GOLGB1: variants seen among roughly 807,000 people sequenced by gnomAD.
GOLGB1 encodes the protein golgin B1.
A neutral mutation model predicts 336.9 loss-of-function variants in GOLGB1; 174 were observed. The ratio of observed to expected loss-of-function variants is 0.52; its 90% CI spans 0.46 to 0.59. The LOEUF is 0.59. Among genes scored for constraint, GOLGB1 ranks in the 20% least tolerant of loss-of-function variants. The probability of loss-of-function intolerance (pLI) is 0.00; values close to 1 mark genes in which losing one functional copy is unlikely to be tolerated. For synonymous variants in GOLGB1, 1,208 were observed against 1,289.2 expected, an observed-to-expected ratio of 0.94 and a Z score of 1.35; for missense variants, 3,331 against 3,645.3, an observed-to-expected ratio of 0.91 and a Z score of 2.22.
chr3:121,735,553 TA>T (rs1251182714), intron 1 of GOLGB1, among the ~76,000 whole-genome samples: 1 of 152,158 alleles, frequency 6.6e-6, no homozygotes, highest in African/African-American at 2.4e-5. Flanking sequence ...ACACTAGGGT[TA>T]AATGAGTAAG....
At chr3:121,730,292 G>GT (rs1269133283) in intron 2 of GOLGB1, 4 of 295,978 alleles carry the variant, frequency 1.4e-5, no homozygotes, top group Non-Finnish European at 2.5e-5. Flanking sequence ...TCATAAACCA[G>GT]TAAGGGTAAA....
At chr3:121,679,820 C>G (rs1054720090) in intron 15 of GOLGB1, among the ~76,000 whole-genome samples, 1 of 152,146 alleles carries the variant, frequency 6.6e-6, no homozygotes, top group Admixed American at 6.5e-5. Flanking sequence ...ACTGTGGTAT[C>G]AGTGGAGGCA....
chr3:121,695,471 T>G lies in GOLGB1; in HGVS notation c.5052A>C (p.Arg1684Ser). 1 of 1,614,072 alleles carries G rather than the reference T, an allele frequency of 6.2e-7. No homozygotes were observed. The highest frequency in any genetic ancestry group is 8.5e-7 in the Non-Finnish European group (1 of 1,179,996). ...QEMEEMKEKM[R>S]KFAKSKQQKI... ...TCTGCTGTTTAGATTTAGCAAACTT[T>G]CTCATCTTTTCTTTCATTTCCTCCA... The change falls in exon 13 of 22, where the codon AGA (arginine) becomes AGC (serine). Residue 1684 changes from arginine (R) to serine (S), a missense_variant. Transcript: ENST00000614479.
chr3:121,712,007 G>C (rs2108053701), intron 10 of GOLGB1, among the ~76,000 whole-genome samples: 1 of 152,198 alleles, frequency 6.6e-6, no homozygotes, highest in South Asian at 2.1e-4. Context: ...AATAGTCAAA[G>C]CAATCTTGAA....
chr3:121,716,303 GA>G (rs1376726317), intron 9 of GOLGB1, among the ~76,000 whole-genome samples: 2 of 152,110 alleles, frequency 1.3e-5, no homozygotes, highest in Non-Finnish European at 2.9e-5. Context: ...GAAATCAGGT[GA>G]AAAGAGATTT....
chr3:121,690,699 A>T lies in GOLGB1; in HGVS notation c.8665T>A (p.Ser2889Thr). The T allele has an allele frequency of 6.6e-7, 1 of 1,519,704 alleles. No individual in the cohort carries two copies. The highest frequency in any genetic ancestry group is 1.3e-5 in the South Asian group (1 of 74,192). 94.1% of individuals were successfully genotyped at this position (1,519,704 alleles called of 1,614,324 possible). Residue 2889 changes from serine to threonine, a missense_variant, in exon 14 of 22, where the codon TCT becomes ACT. Transcript: ENST00000614479. ...CTGTCTCTGTCATTTTGGAGTGAAG[A>T]CATAGCTTTTTTTAAACTCTGTACT... Reference protein sequence around the residue: ...AEVQSLKKAMSSLQNDRDRLL... With the variant: ...AEVQSLKKAMTSLQNDRDRLL...
chr3:121,700,125 GT>G (rs1943274229), intron 11 of GOLGB1, among the ~76,000 whole-genome samples: 1 of 152,072 alleles, frequency 6.6e-6, no homozygotes, highest in Non-Finnish European at 1.5e-5. Context: ...ATAGTGGAAG[GT>G]TTGAAAGGAG....
chr3:121,686,629 G>C (rs1941758194), intron 14 of GOLGB1, among the ~76,000 whole-genome samples: 1 of 149,852 alleles, frequency 6.7e-6, no homozygotes, highest in African/African-American at 2.5e-5. Context: ...AATCTAATTG[G>C]GGAAATAAAA....
At chr3:121,729,692 C>G (rs1167490864) in intron 3 of GOLGB1, among the ~76,000 whole-genome samples, 173 bp downstream of exon 3, 1 of 152,140 alleles carries the variant, frequency 6.6e-6, no homozygotes, top group Non-Finnish European at 1.5e-5. Context: ...GCTGGGATTA[C>G]AGGTGTGAGC....
Position 121,684,147 on chromosome 3 carries a change from A to AC in GOLGB1, c.8695-2283_8695-2282insG, listed in dbSNP as rs1941451434. ...CGTCTCAAAAAAAAAAAAAAAAAAAAAAAAACAAGAAAATCTGTCTATGAG... is the reference window on the plus strand; with the variant it reads ...CGTCTCAAAAAAAAAAAAAAAAAAAACAAAAACAAGAAAATCTGTCTATGAG... On this transcript the variant is annotated intron_variant, in intron 14 of 21. Coordinates refer to ENST00000614479, the MANE Select transcript of GOLGB1 (RefSeq NM_001366282.2). 2.7e-5 allele frequency among the ~76,000 whole-genome samples: 4 copies of AC among 148,464 alleles called. No individual in the cohort carries two copies. The South Asian group carries it at 8.4e-4, about 31-fold the overall frequency.
rs1223740534 is a variant in GOLGB1 at position 121,747,385 on chromosome 3, G to GTA, written c.-3+2245_-3+2246dup. Among the ~76,000 whole-genome samples, 348 of 139,258 alleles carry GTA rather than the reference G, an allele frequency of 2.5e-3. 3 individuals carry two copies. The highest frequency in any genetic ancestry group is 2.5e-3 in the Non-Finnish European group (160 of 64,840). The allele number at this position is 139,258 out of a possible 152,430, so 91.4% of individuals were successfully genotyped here. The stretch of plus-strand genomic sequence containing the variant: ...TATATATACGTATATGTCTATATAC[G>GTA]TATATATATACATATATACGTATAT... On this transcript the variant is annotated intron_variant, in intron 1 of 21. Transcript: ENST00000614479.
Position 121,697,575 on chromosome 3 carries a change from T to A in GOLGB1, c.2948A>T (p.Gln983Leu). 1 of 1,613,796 alleles carries A rather than the reference T, an allele frequency of 6.2e-7. No individual in the cohort carries two copies. Among genetic ancestry groups the A allele is most frequent in the Admixed American group, 1.7e-5 (1 of 60,014 alleles). Residue 983 changes from glutamine (Q) to leucine (L), a missense_variant, in exon 13 of 22, where the codon CAG (glutamine) becomes CTG (leucine). Transcript: ENST00000614479. ...PAGQISKEEL[Q>L]HEFDLLKKEN... ...TTTCTTCAGAAGGTCAAATTCATGC[T>A]GAAGTTCTTCCTTACTTATTTGTCC...
chr3:121,695,932 G>A lies in GOLGB1; in HGVS notation c.4591C>T (p.Gln1531Ter), dbSNP rs774314743. ...LTKSLADVES[Q>*]VSAQNKEKDT... The stretch of plus-strand genomic sequence containing the variant: ...TTTTCTTTATTTTGAGCAGAAACTT[G>A]GCTTTCCACATCTGCCAGAGACTTG... Residue 1531 changes from glutamine to a stop codon, truncating the protein, a stop_gained, in exon 13 of 22, where the codon CAA (glutamine) becomes TAA (stop). Coordinates refer to ENST00000614479, the MANE Select transcript of GOLGB1 (RefSeq NM_001366282.2). LOFTEE classifies it high-confidence loss of function. 6.2e-7 allele frequency: 1 copy of A among 1,613,664 alleles called. No homozygotes were observed. The highest frequency in any genetic ancestry group is 8.5e-7 in the Non-Finnish European group (1 of 1,179,908).
At chr3:121,676,821 G>A (rs951867826) in intron 17 of GOLGB1, 72 bp downstream of exon 17, 27 of 1,305,018 alleles carry the variant, frequency 2.1e-5, no homozygotes, top group South Asian at 4.8e-5. Flanking sequence ...ATGCTGAATT[G>A]GCTTCTACTT....
intron 1 of GOLGB1, among the ~76,000 whole-genome samples, chr3:121,742,933 T>C (rs1304930487): frequency 2.0e-5 from 3 of 152,224 alleles, no homozygotes; most frequent in Non-Finnish European, 2.9e-5. Flanking sequence ...CTCACACCAG[T>C]TAGAATGGCA....
intron 17 of GOLGB1, among the ~76,000 whole-genome samples, chr3:121,673,613 T>C (rs1257729241): frequency 1.3e-5 from 2 of 152,236 alleles, no homozygotes; most frequent in Non-Finnish European, 2.9e-5. Flanking sequence ...CAGTGTTTTA[T>C]AAATCTTTCA....
chr3:121,688,418 C>T (rs906875074), intron 14 of GOLGB1, among the ~76,000 whole-genome samples: 1 of 152,266 alleles, frequency 6.6e-6, no homozygotes, highest in African/African-American at 2.4e-5. Context: ...CAGCTCCTAA[C>T]CGCGAGTGAT....
Position 121,675,910 on chromosome 3 carries a change from G to C in GOLGB1, c.9177+983C>G, listed in dbSNP as rs149106444. ...AGAGCAAATGTAACAGGCCTGAGAC[G>C]GGAGTTAGTTGACGGAAAAAAGAGA... On this transcript the variant is annotated intron_variant, in intron 17 of 21. Transcript: ENST00000614479. 2.8e-3 allele frequency among the ~76,000 whole-genome samples: 429 copies of C among 152,260 alleles called. 4 individuals carry two copies. The highest frequency in any genetic ancestry group is 0.015 in the South Asian group (70 of 4,822).
At chr3:121,674,825 CTTTTTTTTTT>C (rs891603400) in intron 17 of GOLGB1, among the ~76,000 whole-genome samples, 3 of 121,040 alleles carry the variant, frequency 2.5e-5, no homozygotes, top group Non-Finnish European at 5.1e-5. Flanking sequence ...AGGTGCCTTT[CTTTTTTTTTT>C]TTTTTTTTTT....
Sources: allele counts gnomAD v4.1 joint callset (sites outside exome capture counted in the v4.1 genomes callset), GRCh38; gene constraint gnomAD v4.1.1; transcripts MANE v1.5; gene names NCBI Gene and HGNC (gene_info 2026-07-23, HGNC 2026-07-21).